Variants in SDCCAG8 observed in about 807,000 individuals in gnomAD.
SDCCAG8 encodes serologically defined colon cancer antigen 8.
Under a neutral mutation model 101.8 loss-of-function variants are expected in SDCCAG8, and 74 were observed. The ratio of observed to expected loss-of-function variants is 0.73; its 90% CI spans 0.60 to 0.88. The LOEUF is 0.88. Ranked by LOEUF, SDCCAG8 falls within the 40% of genes least tolerant of loss-of-function variation. The pLI is 0.00. For synonymous variants in SDCCAG8, 281 were observed against 292.9 expected (o/e 0.96, Z 0.41); for missense variants, 787 against 822.6 (o/e 0.96, Z 0.53).
intron 9 of SDCCAG8, chr1:243,318,641 C>G (rs1424110436): frequency 1.2e-6 from 1 of 825,106 alleles, no homozygotes; most frequent in African/African-American, 1.8e-5. Context: ...AACTTAGGTT[C>G]AGTTATGACC....
intron 1 of SDCCAG8, chr1:243,267,235 TC>T (rs2067687047): frequency 1.3e-5 from 2 of 153,262 alleles, no homozygotes; most frequent in Non-Finnish European, 2.6e-5. Flanking sequence ...AGAGCGAGAC[TC>T]CGTCTTAAAA....
Position 243,378,777 on chromosome 1 carries a change from G to C in SDCCAG8, c.1530G>C (p.Glu510Asp). 1 of 1,614,114 alleles carries C rather than the reference G, an allele frequency of 6.2e-7. No homozygotes were observed. Among genetic ancestry groups the C allele is most frequent in the Non-Finnish European group, 8.5e-7 (1 of 1,179,994 alleles). Residue 510 changes from glutamate to aspartate, a missense_variant, in exon 13 of 18, where the codon GAG (glutamate) becomes GAC (aspartate). By Grantham distance (45) the Glu-to-Asp change is conservative. Transcript: ENST00000366541. ...AAAGCAAACAACACTTGGAACAGGA[G>C]CAGCAGAAGGCAGCCCTGGCCAGAG... ...LDESKQHLEQ[E>D]QQKAALAREE...
At chr1:243,267,767 C>G in intron 1 of SDCCAG8, 1 of 804,756 alleles carries the variant, frequency 1.2e-6, no homozygotes, top group South Asian at 1.3e-5. Context: ...TAGAGCCACT[C>G]AATACTTCTG....
At chr1:243,437,740 G>A (rs1244004293) in intron 16 of SDCCAG8, among the ~76,000 whole-genome samples, 2 of 152,066 alleles carry the variant, frequency 1.3e-5, no homozygotes, top group African/African-American at 2.4e-5. Flanking sequence ...GGGTTTCACC[G>A]TGTTAGCCAG....
At chr1:243,373,961 G>A (rs1171777298) in intron 12 of SDCCAG8, among the ~76,000 whole-genome samples, 1 of 151,982 alleles carries the variant, frequency 6.6e-6, no homozygotes, top group Non-Finnish European at 1.5e-5. Context: ...AAACAAGAAA[G>A]GAATGTGGAG....
At chr1:243,395,384 A>G (rs2078975761) in intron 13 of SDCCAG8, among the ~76,000 whole-genome samples, 1 of 152,210 alleles carries the variant, frequency 6.6e-6, no homozygotes, top group African/African-American at 2.4e-5. Flanking sequence ...AGATTACACT[A>G]AAGGAAAAAT....
At chr1:243,386,929 A>T (rs1256939864) in intron 13 of SDCCAG8, among the ~76,000 whole-genome samples, 1 of 152,224 alleles carries the variant, frequency 6.6e-6, no homozygotes, top group African/African-American at 2.4e-5. Flanking sequence ...TTATAATGCC[A>T]TTGTCATTCT....
chr1:243,298,797 C>G (rs778917494), intron 6 of SDCCAG8, among the ~76,000 whole-genome samples: 3 of 152,126 alleles, frequency 2.0e-5, no homozygotes, highest in Non-Finnish European at 4.4e-5. Context: ...ATATTTGGGT[C>G]TATTACTGGA....
At chr1:243,394,887 G>A (rs747114183) in intron 13 of SDCCAG8, among the ~76,000 whole-genome samples, 10 of 151,792 alleles carry the variant, frequency 6.6e-5, no homozygotes, top group Non-Finnish European at 1.0e-4. Context: ...TGTGTTTCAG[G>A]TGTTAGTATC....
rs371572944 is a variant in SDCCAG8, at chr1:243,477,033, C to CAGAGAGAG, written c.1986-11974_1986-11973insGAGAGAGA. ...ACACACACACACACACACACACACA[C>CAGAGAGAG]AGAGAGAAAGGCAGGAGAGCGTAAT... On this transcript the variant is annotated intron_variant, in intron 16 of 17. Coordinates refer to ENST00000366541, the MANE Select transcript of SDCCAG8 (RefSeq NM_006642.5). Among the ~76,000 whole-genome samples the CAGAGAGAG allele has an allele frequency of 4.7e-3, 705 of 150,404 alleles. 5 individuals carry two copies. The highest frequency in any genetic ancestry group is 0.017 in the African/African-American group (673 of 40,580).
chr1:243,452,293 T>C (rs143388097), intron 16 of SDCCAG8, among the ~76,000 whole-genome samples: 95 of 152,160 alleles, frequency 6.2e-4, no homozygotes, highest in South Asian at 4.1e-3. Flanking sequence ...TCAGCTGGGG[T>C]TTTTCGTCTT....
chr1:243,499,792 T>A lies in SDCCAG8; in HGVS notation c.*7T>A. On this transcript the variant is annotated 3_prime_UTR_variant, in exon 18 of 18. Coordinates refer to ENST00000366541, the MANE Select transcript of SDCCAG8 (RefSeq NM_006642.5). ...GCCACAATCTGATTGCTGACCTGGA[T>A]GGAACAGAGTGAAATAAATGATTTA... 6.2e-7 allele frequency: 1 copy of A among 1,611,984 alleles called. No individual in the cohort carries two copies. Among genetic ancestry groups the A allele is most frequent in the Non-Finnish European group, 8.5e-7 (1 of 1,178,424 alleles).
chr1:243,280,363 T>G (rs1306453282), intron 4 of SDCCAG8, among the ~76,000 whole-genome samples: 2 of 152,142 alleles, frequency 1.3e-5, no homozygotes, highest in Non-Finnish European at 2.9e-5. Flanking sequence ...TTATCAATTT[T>G]ATTCATCTTT....
rs143975025 is a variant in SDCCAG8 at position 243,312,072 on chromosome 1, C to T, written c.929+3895C>T. Among the ~76,000 whole-genome samples, 626 of 152,294 alleles carry T rather than the reference C, an allele frequency of 4.1e-3. 4 individuals are homozygous for T. Among genetic ancestry groups the T allele is most frequent in the African/African-American group, 0.014 (566 of 41,560 alleles). On this transcript the variant is annotated intron_variant, in intron 8 of 17. Coordinates refer to ENST00000366541, the MANE Select transcript of SDCCAG8 (RefSeq NM_006642.5). ...GGATATTAAACCTATTAACACTGAG[C>T]GGATTCTGCTTTTATTGTCAATGAA... is the stretch of plus-strand genomic sequence containing the variant.
chr1:243,300,578 T>C (rs749420899), intron 6 of SDCCAG8, among the ~76,000 whole-genome samples: 26 of 152,314 alleles, frequency 1.7e-4, no homozygotes, highest in Middle Eastern at 3.4e-3. Context: ...GGCCCACCTT[T>C]ACCTATTTTG....
intron 13 of SDCCAG8, among the ~76,000 whole-genome samples, chr1:243,380,504 A>C (rs1427650763): frequency 1.8e-4 from 28 of 152,192 alleles, no homozygotes; most frequent in Non-Finnish European, 4.4e-5. Flanking sequence ...TCAGAGAGTT[A>C]ATTTCTGAAG....
intron 17 of SDCCAG8, among the ~76,000 whole-genome samples, chr1:243,494,578 T>C (rs1667347076): frequency 6.6e-6 from 1 of 152,152 alleles, no homozygotes; most frequent in African/African-American, 2.4e-5. Context: ...GAGCGCCCCG[T>C]GTATAATTAA....
chr1:243,398,393 A>G (rs1453814817), intron 13 of SDCCAG8, among the ~76,000 whole-genome samples: 1 of 152,190 alleles, frequency 6.6e-6, no homozygotes, highest in African/African-American at 2.4e-5. Context: ...GGATGAGGCA[A>G]TATACAACTA....
At chr1:243,386,110 C>T (rs1039869634) in intron 13 of SDCCAG8, among the ~76,000 whole-genome samples, 3 of 152,198 alleles carry the variant, frequency 2.0e-5, no homozygotes, top group African/African-American at 7.2e-5. Flanking sequence ...GTTCCAGGAA[C>T]CAAGCTGAGA....
Sources: gnomAD v4.1 joint callset for allele counts (sites outside exome capture counted in the v4.1 genomes callset) on GRCh38, gnomAD v4.1.1 for gene constraint, MANE v1.5 for transcripts, NCBI Gene and HGNC (gene_info 2026-07-23, HGNC 2026-07-21) for gene names.